Variants in ADGRG1 observed in about 807,000 individuals in gnomAD.
The protein encoded by ADGRG1 is adhesion G protein-coupled receptor G1.
ADGRG1 carries 53 observed loss-of-function variants against 73.5 expected under a neutral mutation model. The ratio of observed to expected loss-of-function variants is 0.72; its 90% confidence interval spans 0.58 to 0.91. The LOEUF is 0.91. ADGRG1 is among the 40% of genes least tolerant of loss of function. The pLI is 0.00. For synonymous variants in ADGRG1, 394 were observed against 374.4 expected (o/e 1.05, Z -0.60); for missense variants, 795 against 871.8 (o/e 0.91, Z 1.11).
rs1429418363 is a variant in ADGRG1 at position 57,631,091 on chromosome 16, C to T, written c.-36+2289C>T. 29 of 973,414 alleles carry T rather than the reference C, an allele frequency of 3.0e-5. No individual in the cohort carries two copies. The African/African-American group carries it at 5.6e-4, about 19-fold the overall frequency. The allele number at this position is 973,414 out of a possible 1,614,324, so 60.3% of individuals were successfully genotyped here. ...GGTGTTCAGTGTGAGGTTGGCCAGGCAGTCCCAGTCTCTGGCTGCTGGGTT... is the reference window on the plus strand; with the variant it reads ...GGTGTTCAGTGTGAGGTTGGCCAGGTAGTCCCAGTCTCTGGCTGCTGGGTT... On this transcript the variant is annotated intron_variant, in intron 1 of 13. Transcript: ENST00000562631.
intron 5 of ADGRG1, 48 bp from the exon 6 acceptor site, chr16:57,655,351 C>T (rs766779764): frequency 6.9e-6 from 11 of 1,604,490 alleles, no homozygotes; most frequent in Non-Finnish European, 9.3e-6. Flanking sequence ...GTGGGGGGCA[C>T]GGATCTAGGG....
rs12445163 is a variant in ADGRG1, at chr16:57,654,241, G to C, written c.768+108G>C. On this transcript the variant is annotated intron_variant, in intron 5 of 13. Transcript: ENST00000562631. ...CTCAGTGCCGTCGCAGCCTCTCCCTGGGGCCTCCCGAGAAGGTTCCAGGCC... is the reference window on the plus strand; with the variant it reads ...CTCAGTGCCGTCGCAGCCTCTCCCTCGGGCCTCCCGAGAAGGTTCCAGGCC... The C allele has an allele frequency of 4.4e-6, 5 of 1,138,432 alleles. No individual in the cohort carries two copies. The Admixed American group carries it at 1.1e-4, about 25-fold the overall frequency. 70.5% of individuals were successfully genotyped at this position (1,138,432 alleles called of 1,614,324 possible).
chr16:57,661,446 C>T, intron 12 of ADGRG1: 1 of 984,990 alleles, frequency 1.0e-6, no homozygotes, highest in Non-Finnish European at 1.2e-6. Flanking sequence ...ATTTTCAGCT[C>T]TTTATGTTGT....
At position 57,652,803 on chromosome 16, in the gene ADGRG1, G is replaced by A. The variant is rs78188729; in HGVS notation, c.488-400G>A. 2,950 of 1,098,462 alleles carry A rather than the reference G, an allele frequency of 2.7e-3. 57 individuals carry two copies. The African/African-American group carries it at 0.039, about 15-fold the overall frequency. 68.0% of individuals were successfully genotyped at this position (1,098,462 alleles called of 1,614,324 possible). A position where few individuals can be genotyped will look rare whatever the true frequency, so the allele number is the denominator to read the frequency against. On this transcript the variant is annotated intron_variant, in intron 3 of 13. Coordinates refer to ENST00000562631, the MANE Select transcript of ADGRG1 (RefSeq NM_201525.4). ...TTAGTAGGCCGCCCACGCTACCTGG[G>A]CAGAGGGGCCCGAGCCTGGAGTCAG...
intron 1 of ADGRG1, among the ~76,000 whole-genome samples, chr16:57,640,507 C>T (rs1161126731): frequency 1.1e-4 from 16 of 152,224 alleles, no homozygotes; most frequent in South Asian, 4.1e-4. Context: ...CTTGCATTTT[C>T]GAAGAGCTTA....
At chr16:57,659,132 C>A (rs2046435101) in intron 10 of ADGRG1, 2 of 985,150 alleles carry the variant, frequency 2.0e-6, no homozygotes, top group South Asian at 9.4e-5. Flanking sequence ...TTGAGAGTAT[C>A]TGGTTTATTA....
chr16:57,663,931 G>A lies in ADGRG1; in HGVS notation c.*349G>A. ...TGCTGGGGGCCAGGCCTTGGATCTT[G>A]AGGGTCTGGCACATCCTTAATCCTG... On this transcript the variant is annotated 3_prime_UTR_variant, in exon 14 of 14. Coordinates refer to ENST00000562631, the MANE Select transcript of ADGRG1 (RefSeq NM_201525.4). The A allele has an allele frequency of 2.5e-6, 1 of 396,698 alleles. No homozygotes were observed. The allele number at this position is 396,698 out of a possible 1,614,324, so 24.6% of individuals were successfully genotyped here.
chr16:57,636,582 C>G (rs1402604224), intron 1 of ADGRG1: 5 of 985,102 alleles, frequency 5.1e-6, no homozygotes, highest in African/African-American at 3.5e-5. Flanking sequence ...CTCACATAGC[C>G]TGAGTGGCAC....
intron 1 of ADGRG1, chr16:57,647,677 A>C: frequency 1.8e-6 from 1 of 561,282 alleles, no homozygotes; most frequent in Non-Finnish European, 2.3e-6. Flanking sequence ...CATGGGTTAA[A>C]GGAAGCCAGC....
At chr16:57,656,059 C>G (rs1341268951) in intron 7 of ADGRG1, 67 bp downstream of exon 7, 44 of 1,613,572 alleles carry the variant, frequency 2.7e-5, no homozygotes, top group Non-Finnish European at 3.5e-5. Context: ...CTCTCCCTCC[C>G]TCCAGACTCA....
chr16:57,630,442 T>C, intron 1 of ADGRG1: 2 of 985,836 alleles, frequency 2.0e-6, no homozygotes, highest in Non-Finnish European at 2.4e-6. Flanking sequence ...TTGCCCTTCC[T>C]CTCCTCTCGC....
chr16:57,652,817 G>C, intron 3 of ADGRG1: 1 of 1,109,060 alleles, frequency 9.0e-7, no homozygotes, highest in South Asian at 2.3e-5. Flanking sequence ...AGGGGCCCGA[G>C]CCTGGAGTCA....
At position 57,628,913 on chromosome 16, in the gene ADGRG1, TGAGA is replaced by T. The variant is rs1468899507; in HGVS notation, c.-36+113_-36+116del. 1.8e-3 allele frequency: 1,462 copies of T among 827,680 alleles called. 61 individuals are homozygous for T. The African/African-American group carries it at 0.04, about 22-fold the overall frequency. The allele number at this position is 827,680 out of a possible 1,614,324, so 51.3% of individuals were successfully genotyped here. ...GTGTGAGTGTGTGAGTGTGAGTGTG[TGAGA>T]GTGAGTGTGAGTGTGAGTGTGAGCG... On this transcript the variant is annotated intron_variant, in intron 1 of 13. Coordinates refer to ENST00000562631, the MANE Select transcript of ADGRG1 (RefSeq NM_201525.4).
chr16:57,648,352 G>A (rs1052691764), intron 1 of ADGRG1: 3 of 547,172 alleles, frequency 5.5e-6, no homozygotes, highest in Admixed American at 6.3e-5. Flanking sequence ...ATCACAACCT[G>A]GGAAATGGTG....
Position 57,655,447 on chromosome 16 carries a change from C to G in ADGRG1, c.817C>G (p.Leu273Val). 6.2e-7 allele frequency: 1 copy of G among 1,613,832 alleles called. No homozygotes were observed. The highest frequency in any genetic ancestry group is 8.5e-7 in the Non-Finnish European group (1 of 1,180,012). Residue 273 changes from leucine to valine, a missense_variant, in exon 6 of 14, where the codon CTC (leucine) becomes GTC (valine). By Grantham distance (32) the Leu-to-Val change is conservative (BLOSUM62 1). Transcript: ENST00000562631. ...MEYSVLLPRTLFQRTKGRSGE... is the reference protein window; with the variant it reads ...MEYSVLLPRTVFQRTKGRSGE... The stretch of plus-strand genomic sequence containing the variant: ...GTACTCGGTGCTGCTGCCTCGAACA[C>G]TCTTCCAGAGGACGAAAGGCCGGAG...
At chr16:57,644,127 C>T in intron 1 of ADGRG1, 1 of 982,026 alleles carries the variant, frequency 1.0e-6, no homozygotes, top group Non-Finnish European at 1.2e-6. Flanking sequence ...CTGTCCCCTT[C>T]CCAGCTTTGA....
At chr16:57,640,655 GC>G (rs1400969043) in intron 1 of ADGRG1, among the ~76,000 whole-genome samples, 1 of 152,214 alleles carries the variant, frequency 6.6e-6, no homozygotes, top group Non-Finnish European at 1.5e-5. Flanking sequence ...CCTGGACGGG[GC>G]CCAGGCACAG....
At chr16:57,628,614 C>T (rs1331858549), upstream of ADGRG1, 25 of 985,396 alleles carry the variant, frequency 2.5e-5, no homozygotes, top group Admixed American at 3.1e-4. Flanking sequence ...CAAACAAACC[C>T]GGTCCCTCCC....
At chr16:57,656,849 T>G (rs1221603354) in intron 9 of ADGRG1, among the ~76,000 whole-genome samples, 1 of 152,238 alleles carries the variant, frequency 6.6e-6, no homozygotes. Context: ...CTGCTCTTTA[T>G]TCCCAAATTT....
Sources: allele counts gnomAD v4.1 joint callset (sites outside exome capture counted in the v4.1 genomes callset), GRCh38; gene constraint gnomAD v4.1.1; transcripts MANE v1.5; gene names NCBI Gene and HGNC (gene_info 2026-07-23, HGNC 2026-07-21).